Variants in C10orf90 observed in about 807,000 individuals in gnomAD.
C10orf90 encodes the protein chromosome 10 open reading frame 90.
C10orf90 carries 56 observed loss-of-function variants against 62.5 expected under a neutral mutation model. The observed-to-expected ratio is 0.90, with a 90% confidence interval of 0.72 to 1.12. The LOEUF (loss-of-function observed/expected upper bound fraction) is 1.12. Ranked by LOEUF, C10orf90 falls within the 50% of genes most tolerant of loss-of-function variation. The pLI, the probability that C10orf90 is intolerant of heterozygous loss-of-function variation, is 0.00. For synonymous variants in C10orf90, 386 were observed against 340.4 expected (o/e 1.13, Z -1.47); for missense variants, 970 against 880.4 (o/e 1.10, Z -1.29).
chr10:126,612,465 G>T (rs1845457775), intron 2 of C10orf90, among the ~76,000 whole-genome samples: 1 of 152,188 alleles, frequency 6.6e-6, no homozygotes, highest in Non-Finnish European at 1.5e-5. Flanking sequence ...CCCTACACGT[G>T]GCCACCCTGT....
At position 126,504,424 on chromosome 10, in the gene C10orf90, T is replaced by C; in HGVS notation, c.1067A>G (p.Gln356Arg). 1.2e-6 allele frequency: 2 copies of C among 1,614,214 alleles called. No homozygotes were observed. The highest frequency in any genetic ancestry group is 1.7e-6 in the Non-Finnish European group (2 of 1,180,034). ...TACGTAATAGATTGAATCTGGACAC[T>C]GCTGAGACACCCTGAGGTGGACACA... ...SSCVHLRVSQ[Q>R]CPDSIYYVDK... Residue 356 changes from glutamine to arginine, a missense_variant, in exon 4 of 10, where the codon CAG (glutamine) becomes CGG (arginine). Gln to Arg is a conservative substitution (Grantham distance 43). Coordinates refer to ENST00000488181, the MANE Select transcript of C10orf90 (RefSeq NM_001350921.2). This position sits in a 1 kb window ranked among gnomAD's most constrained non-coding sequence, Gnocchi z 4.1.
intron 2 of C10orf90, among the ~76,000 whole-genome samples, chr10:126,576,593 C>T (rs1326215982): frequency 6.6e-6 from 1 of 151,182 alleles, no homozygotes; most frequent in Non-Finnish European, 1.5e-5. Flanking sequence ...GAAAGGAAAA[C>T]AGTATATTGA....
At chr10:126,490,515 G>A (rs1861710931) in intron 4 of C10orf90, among the ~76,000 whole-genome samples, 2 of 151,950 alleles carry the variant, frequency 1.3e-5, no homozygotes, top group African/African-American at 2.4e-5. Context: ...GGTATGTGGA[G>A]TTTACAAGAT....
Position 126,432,565 on chromosome 10 carries a change from G to A in C10orf90, c.2189-2715C>T, listed in dbSNP as rs563965562. Among the ~76,000 whole-genome samples, 133 of 152,324 alleles carry A rather than the reference G, an allele frequency of 8.7e-4. 1 individual carries two copies. Among genetic ancestry groups the A allele is most frequent in the African/African-American group, 3.0e-3 (126 of 41,574 alleles). On this transcript the variant is annotated intron_variant, in intron 7 of 9. Transcript: ENST00000488181. ...GGGAATGGAGAGGCAAGAAGTCCCC[G>A]CAGGGGAGGAGATATTTAAACCAAG...
At chr10:126,668,661 G>T (rs188400136) in intron 1 of C10orf90, among the ~76,000 whole-genome samples, 1 of 152,192 alleles carries the variant, frequency 6.6e-6, no homozygotes, top group Admixed American at 6.5e-5. Context: ...GCCCGCCCTA[G>T]AGCTGAGGAG....
chr10:126,489,235 T>C lies in C10orf90; in HGVS notation c.1534+14722A>G, dbSNP rs367983966. Among the ~76,000 whole-genome samples, 189 of 152,172 alleles carry C rather than the reference T, an allele frequency of 1.2e-3. 1 individual carries two copies. The highest frequency in any genetic ancestry group is 4.1e-3 in the African/African-American group (172 of 41,524). ...TTAATGTAACATATGAAAAAATCAA[T>C]GTAATTCCCCATATTTATAAAATGA... On this transcript the variant is annotated intron_variant, in intron 4 of 9. Transcript: ENST00000488181.
intron 2 of C10orf90, among the ~76,000 whole-genome samples, chr10:126,548,129 T>A (rs1172346224): frequency 6.6e-6 from 1 of 152,208 alleles, no homozygotes; most frequent in African/African-American, 2.4e-5. Context: ...CAAACCTATA[T>A]ATAGGCTTAA....
intron 2 of C10orf90, among the ~76,000 whole-genome samples, chr10:126,588,741 AGAT>A (rs1197073542): frequency 3.9e-5 from 6 of 152,222 alleles, no homozygotes. Context: ...AAGCCCACAA[AGAT>A]GAGAGAGAAT....
chr10:126,492,712 C>T (rs1260717020), intron 4 of C10orf90, among the ~76,000 whole-genome samples: 1 of 152,084 alleles, frequency 6.6e-6, no homozygotes, highest in Non-Finnish European at 1.5e-5. Context: ...ATTAATAAAT[C>T]ATAAGTATCA....
At chr10:126,546,451 C>T (rs1038348046) in intron 2 of C10orf90, among the ~76,000 whole-genome samples, 1 of 152,218 alleles carries the variant, frequency 6.6e-6, no homozygotes, top group African/African-American at 2.4e-5. Context: ...CCCCTCCCCA[C>T]CAGGATGGTG....
chr10:126,661,475 T>G (rs1336180352), intron 1 of C10orf90, among the ~76,000 whole-genome samples: 1 of 152,206 alleles, frequency 6.6e-6, no homozygotes, highest in African/African-American at 2.4e-5. Flanking sequence ...CCCAGTGCTC[T>G]TTCTCTTAAT....
chr10:126,641,880 A>G (rs1006763396), intron 2 of C10orf90, among the ~76,000 whole-genome samples: 1 of 152,154 alleles, frequency 6.6e-6, no homozygotes, highest in African/African-American at 2.4e-5. Context: ...CAGGAGGACA[A>G]TTTAACTATA....
chr10:126,576,729 T>TATAGATA (rs1844629742), intron 2 of C10orf90, among the ~76,000 whole-genome samples: 2 of 50,618 alleles, frequency 4.0e-5, no homozygotes, highest in Non-Finnish European at 8.5e-5. Flanking sequence ...GATATACATA[T>TATAGATA]ATATGTATAT....
intron 2 of C10orf90, among the ~76,000 whole-genome samples, chr10:126,645,304 A>G (rs1235617200): frequency 4.6e-5 from 7 of 151,184 alleles, no homozygotes; most frequent in Non-Finnish European, 7.4e-5. Context: ...GCAGTGGCTC[A>G]TGCCAGCAAT....
At chr10:126,563,226 G>A (rs867754414) in intron 2 of C10orf90, among the ~76,000 whole-genome samples, 8 of 152,294 alleles carry the variant, frequency 5.3e-5, no homozygotes, top group African/African-American at 1.4e-4. Context: ...CTGCAGTAGC[G>A]TGGGGCTAAA....
At chr10:126,543,263 C>T (rs1370100) in intron 2 of C10orf90, among the ~76,000 whole-genome samples, 98,424 of 152,036 alleles carry the variant, frequency 0.65, 32,858 homozygotes, top group African/African-American at 0.81. Context: ...CTAGCTCTGC[C>T]TGCCTGTCAG....
At chr10:126,521,441 T>C (rs954646240) in intron 2 of C10orf90, 1 of 1,540,356 alleles carries the variant, frequency 6.5e-7, no homozygotes, top group Admixed American at 2.0e-5. Flanking sequence ...AGGCTCAGAA[T>C]GAGTCAGGCT....
At chr10:126,507,343 C>G (rs113244047) in intron 3 of C10orf90, among the ~76,000 whole-genome samples, 9 of 117,664 alleles carry the variant, frequency 7.6e-5, no homozygotes, top group East Asian at 7.3e-4. Context: ...GGTGACAGAG[C>G]GAGACTCCAT....
intron 3 of C10orf90, among the ~76,000 whole-genome samples, chr10:126,509,694 AAAC>A (rs1862980036): frequency 6.6e-6 from 1 of 152,184 alleles, no homozygotes; most frequent in African/African-American, 2.4e-5. Flanking sequence ...AAAAGTCCCC[AAAC>A]AACAAACTCG....
Sources: gnomAD v4.1 joint callset for allele counts (sites outside exome capture counted in the v4.1 genomes callset) on GRCh38, gnomAD v4.1.1 for gene constraint, Gnocchi (gnomAD v3.1) non-coding constraint, MANE v1.5 for transcripts, NCBI Gene and HGNC (gene_info 2026-07-23, HGNC 2026-07-21) for gene names.